Variants in TRPM8 observed in about 807,000 individuals in gnomAD.
TRPM8 encodes TRPM8 cationic channel.
Under a neutral mutation model 133.7 loss-of-function variants are expected in TRPM8, and 110 were observed. The ratio of observed to expected loss-of-function variants is 0.82; its 90% CI spans 0.70 to 0.96. TRPM8 has a LOEUF of 0.96. Ranked by LOEUF, TRPM8 falls within the 40% of genes least tolerant of loss-of-function variation. The probability of loss-of-function intolerance (pLI) is 0.00; values close to 1 mark genes in which losing one functional copy is unlikely to be tolerated. For missense variants in TRPM8, 1,291 were observed against 1,379.5 expected, an observed-to-expected ratio of 0.94 and a Z score of 1.02; for synonymous variants, 535 against 532.3, an observed-to-expected ratio of 1.01 and a Z score of -0.07.
intron 4 of TRPM8, among the ~76,000 whole-genome samples, chr2:233,937,869 A>G (rs1690795999): frequency 6.6e-6 from 1 of 152,096 alleles, no homozygotes; most frequent in Non-Finnish European, 1.5e-5. Context: ...GGCCCTGAAT[A>G]TGCATTCCCT....
At chr2:233,923,132 G>T (rs1212806879) in intron 1 of TRPM8, among the ~76,000 whole-genome samples, 1 of 152,162 alleles carries the variant, frequency 6.6e-6, no homozygotes, top group East Asian at 1.9e-4. Context: ...GCCTCCCAAA[G>T]TGCTGAGATT....
intron 10 of TRPM8, 62 bp downstream of exon 10, chr2:233,954,081 ACTTACATTT>A: frequency 3.3e-6 from 4 of 1,201,864 alleles, no homozygotes; most frequent in Non-Finnish European, 4.7e-6. Context: ...GCTTTTCATG[ACTTACATTT>A]CTTTTATAAA....
At chr2:233,965,176 C>A (rs1222613400) in intron 14 of TRPM8, among the ~76,000 whole-genome samples, 1 of 152,136 alleles carries the variant, frequency 6.6e-6, no homozygotes, top group Non-Finnish European at 1.5e-5. Context: ...AGGACCCAGC[C>A]CCTGGGCCTG....
intron 17 of TRPM8, 68 bp downstream of exon 17, chr2:233,970,494 G>A (rs1265706596): frequency 2.1e-6 from 3 of 1,452,236 alleles, no homozygotes; most frequent in Admixed American, 3.4e-5. Context: ...AAAGCCAAGA[G>A]GAATAGAAGT....
rs1279360034 is a variant in TRPM8 at position 233,989,926 on chromosome 2, C to T, written c.2939+4061C>T. ...GCCCTGAAGATAAGTTCACCCCAGG[C>T]AGTTCTGAAAAGGACTCGTCAAACA... On this transcript the variant is annotated intron_variant, in intron 21 of 25. Transcript: ENST00000324695. The surrounding 1 kb of genome is among the most constrained non-coding windows in gnomAD (Gnocchi z 4.2). Among the ~76,000 whole-genome samples, 1 of 152,152 alleles carries T rather than the reference C, an allele frequency of 6.6e-6. No homozygotes were observed. Among genetic ancestry groups the T allele is most frequent in the African/African-American group, 2.4e-5 (1 of 41,436 alleles).
At chr2:234,012,472 TGA>T (rs201632015) in intron 24 of TRPM8, among the ~76,000 whole-genome samples, 10,060 of 121,848 alleles carry the variant, frequency 0.083, 379 homozygotes, top group East Asian at 0.17. Flanking sequence ...TTTGTGTGTG[TGA>T]GAGTGTGTGT....
At chr2:233,929,822 T>C (rs1689427192) in intron 2 of TRPM8, 1 of 152,254 alleles carries the variant, frequency 6.6e-6, no homozygotes, top group South Asian at 2.1e-4. Flanking sequence ...CCTTCGACTA[T>C]GCTGGGTGTT....
At position 233,990,865 on chromosome 2, in the gene TRPM8, A is replaced by C. The variant is rs186660148; in HGVS notation, c.2939+5000A>C. On this transcript the variant is annotated intron_variant, in intron 21 of 25. Coordinates refer to ENST00000324695, the MANE Select transcript of TRPM8 (RefSeq NM_024080.5). ...CACGTAAGGAGTGGGAGGCAGAGAAAGGTTAAGTCCCTGATATTAAGGGAA... is the reference window on the plus strand; with the variant it reads ...CACGTAAGGAGTGGGAGGCAGAGAACGGTTAAGTCCCTGATATTAAGGGAA... 1.1e-4 allele frequency among the ~76,000 whole-genome samples: 16 copies of C among 152,294 alleles called. No individual in the cohort carries two copies. The East Asian group carries it at 3.1e-3, about 29-fold the overall frequency.
rs1690776304 is a variant in TRPM8, at chr2:233,937,260, T to G, written c.192-93T>G. The G allele has an allele frequency of 8.3e-6, 12 of 1,452,126 alleles. No homozygotes were observed. In the South Asian group the frequency reaches 1.4e-4, roughly 17 times the overall value. 90.0% of individuals were successfully genotyped at this position (1,452,126 alleles called of 1,614,324 possible). On this transcript the variant is annotated intron_variant, in intron 3 of 25. Coordinates refer to ENST00000324695, the MANE Select transcript of TRPM8 (RefSeq NM_024080.5). ...AGTCTGAAAATAAGACTTGAAGGTA[T>G]CCTTTGTGTGTCTATTTAAGCTAAC...
intron 21 of TRPM8, among the ~76,000 whole-genome samples, chr2:233,988,870 C>T (rs1559543564): frequency 6.6e-6 from 1 of 152,194 alleles, no homozygotes; most frequent in Non-Finnish European, 1.5e-5. Flanking sequence ...GTGATTATGT[C>T]TCCACAAGAG....
chr2:233,957,821 C>T (rs1158834368), intron 11 of TRPM8, among the ~76,000 whole-genome samples: 1 of 152,258 alleles, frequency 6.6e-6, no homozygotes, highest in Non-Finnish European at 1.5e-5. Flanking sequence ...AATCAGCAAA[C>T]ACTACAAATT....
At chr2:233,997,589 CAG>C (rs1015311254) in intron 22 of TRPM8, among the ~76,000 whole-genome samples, 6 of 152,282 alleles carry the variant, frequency 3.9e-5, no homozygotes, top group East Asian at 3.9e-4. Context: ...TGTGGGCACT[CAG>C]GGGGTCCTTC....
intron 1 of TRPM8, among the ~76,000 whole-genome samples, chr2:233,918,398 C>A (rs1029103875): frequency 6.6e-6 from 1 of 151,026 alleles, no homozygotes; most frequent in Non-Finnish European, 1.5e-5. Flanking sequence ...TAATAATTAT[C>A]ACTATCTTTG....
Position 233,937,942 on chromosome 2 carries a change from C to A in TRPM8, c.348+433C>A, listed in dbSNP as rs567153387. 9.8e-5 allele frequency among the ~76,000 whole-genome samples: 15 copies of A among 152,352 alleles called. No homozygotes were observed. The East Asian group carries it at 2.9e-3, about 29-fold the overall frequency. ...AAAGGTGTTTAATGATCAGAAATAGCCTTTCCTACATCCTCCGTGCTCCCA... is the reference window on the plus strand; with the variant it reads ...AAAGGTGTTTAATGATCAGAAATAGACTTTCCTACATCCTCCGTGCTCCCA... On this transcript the variant is annotated intron_variant, in intron 4 of 25. Transcript: ENST00000324695.
At chr2:233,930,129 T>A (rs1253146413) in intron 2 of TRPM8, among the ~76,000 whole-genome samples, 1 of 152,248 alleles carries the variant, frequency 6.6e-6, no homozygotes, top group Non-Finnish European at 1.5e-5. Flanking sequence ...AAAGGAGTTT[T>A]TCCTTTGTTT....
chr2:233,970,203 G>T lies in TRPM8; in HGVS notation c.2139-7G>T, dbSNP rs1325469352. 1 of 1,613,798 alleles carries T rather than the reference G, an allele frequency of 6.2e-7. No individual in the cohort carries two copies. The highest frequency in any genetic ancestry group is 1.1e-5 in the South Asian group (1 of 91,062). Reference sequence around the variant, plus strand: ...GATGCTGACGATGCCCTTATCTCTGGGTCCAGGAAGAAACCTGTCGACAAG... The same window carrying T: ...GATGCTGACGATGCCCTTATCTCTGTGTCCAGGAAGAAACCTGTCGACAAG... On this transcript the variant is annotated splice_polypyrimidine_tract_variant and splice_region_variant and intron_variant, in intron 16 of 25. Coordinates refer to ENST00000324695, the MANE Select transcript of TRPM8 (RefSeq NM_024080.5).
At chr2:233,947,411 A>G in intron 8 of TRPM8, 1 of 1,486,734 alleles carries the variant, frequency 6.7e-7, no homozygotes, top group Non-Finnish European at 9.0e-7. Context: ...GCCAAAGAGA[A>G]GAGTTGACAT....
At chr2:233,966,276 G>A in intron 14 of TRPM8, 1 of 259,938 alleles carries the variant, frequency 3.8e-6, no homozygotes, top group Non-Finnish European at 7.5e-6. Flanking sequence ...GGTGCAGAAG[G>A]TTAGATCCCT....
intron 22 of TRPM8, among the ~76,000 whole-genome samples, chr2:234,002,409 CTG>C (rs2125378891): frequency 6.6e-6 from 1 of 152,260 alleles, no homozygotes; most frequent in African/African-American, 2.4e-5. Flanking sequence ...GAAGGAAAAA[CTG>C]TAGACAGGAG....
Sources: allele counts gnomAD v4.1 joint callset (sites outside exome capture counted in the v4.1 genomes callset), GRCh38; gene constraint gnomAD v4.1.1; non-coding constraint Gnocchi (gnomAD v3.1); transcripts MANE v1.5; gene names NCBI Gene and HGNC (gene_info 2026-07-23, HGNC 2026-07-21).